The following NAV2 variants were observed in gnomAD, a reference collection of about 807,000 sequenced individuals.
The protein encoded by NAV2 is neuron navigator 2, also known as helicase, APC down-regulated 1.
Under a neutral mutation model 223.2 loss-of-function variants are expected in NAV2, and 54 were observed. That is an observed-to-expected ratio of 0.24 (90% CI 0.19 to 0.30). NAV2 has a LOEUF of 0.30. Among genes scored for constraint, NAV2 ranks in the 10% least tolerant of loss-of-function variants. The pLI, the probability that NAV2 is intolerant of heterozygous loss-of-function variation, is 1.00. For missense variants in NAV2, 2,806 were observed against 3,147.5 expected, an observed-to-expected ratio of 0.89 and a Z score of 2.60; for synonymous variants, 1,279 against 1,239.3, an observed-to-expected ratio of 1.03 and a Z score of -0.67.
At chr11:20,000,120 A>G (rs1031502192) in intron 11 of NAV2, among the ~76,000 whole-genome samples, 2 of 152,120 alleles carry the variant, frequency 1.3e-5, no homozygotes, top group Non-Finnish European at 2.9e-5. Flanking sequence ...AAGGCAGAAG[A>G]TATTTAAGGC....
intron 1 of NAV2, among the ~76,000 whole-genome samples, chr11:19,554,762 T>C: frequency 6.6e-6 from 1 of 151,910 alleles, no homozygotes; most frequent in Non-Finnish European, 1.5e-5. Flanking sequence ...AGGTCGGGAG[T>C]TCGAGACCAG....
intron 1 of NAV2, among the ~76,000 whole-genome samples, chr11:19,588,916 G>C (rs1370533587): frequency 2.0e-5 from 3 of 152,216 alleles, no homozygotes; most frequent in Admixed American, 2.0e-4. Flanking sequence ...TCATAAGGTA[G>C]TTTCATGAAC....
intron 1 of NAV2, among the ~76,000 whole-genome samples, chr11:19,431,490 C>T (rs1851035091): frequency 6.6e-6 from 1 of 152,162 alleles, no homozygotes; most frequent in South Asian, 2.1e-4. Context: ...ATTTCTGTTT[C>T]AGAAAATATT....
At chr11:19,395,797 C>G (rs1319760597) in intron 1 of NAV2, among the ~76,000 whole-genome samples, 1 of 152,192 alleles carries the variant, frequency 6.6e-6, no homozygotes, top group Non-Finnish European at 1.5e-5. Context: ...CTCCTCTGCC[C>G]CTTTACATGC....
intron 3 of NAV2, among the ~76,000 whole-genome samples, chr11:19,865,899 G>A (rs761088838): frequency 1.3e-5 from 2 of 152,212 alleles, no homozygotes; most frequent in Non-Finnish European, 2.9e-5. Flanking sequence ...ATCAAGGTGT[G>A]TGTTGAATCG....
intron 1 of NAV2, among the ~76,000 whole-genome samples, chr11:19,525,645 T>C (rs2043817251): frequency 6.6e-6 from 1 of 152,110 alleles, no homozygotes; most frequent in South Asian, 2.1e-4. Context: ...CTTCTCTCAG[T>C]GAGGGGGTTG....
At chr11:19,895,244 T>C (rs989337241) in intron 6 of NAV2, among the ~76,000 whole-genome samples, 1 of 151,480 alleles carries the variant, frequency 6.6e-6, no homozygotes, top group Non-Finnish European at 1.5e-5. Flanking sequence ...TATTTGTATT[T>C]TTAGTAGAGA....
intron 1 of NAV2, among the ~76,000 whole-genome samples, chr11:19,625,882 AT>A (rs955400958): frequency 9.3e-5 from 14 of 150,746 alleles, no homozygotes; most frequent in Non-Finnish European, 1.5e-4. Flanking sequence ...TCATTTGCCT[AT>A]TTTTTTTCCT....
chr11:20,013,985 C>T (rs1016764354), intron 11 of NAV2, among the ~76,000 whole-genome samples: 1 of 152,204 alleles, frequency 6.6e-6, no homozygotes, highest in Non-Finnish European at 1.5e-5. Flanking sequence ...CTGTTCTGTT[C>T]CGGTGTTCTC....
In NAV2 at chr11:19,697,127, A is replaced by C. The variant is rs571884969; in HGVS notation, c.76-135357A>C. On this transcript the variant is annotated intron_variant, in intron 1 of 37. Coordinates refer to the NAV2 transcript ENST00000360655. ...AAAAGAACAAAATCATGCCCTTTGC[A>C]GCAAATGGGTGGAGCTGGAGGTCAT... is the stretch of plus-strand genomic sequence containing the variant. 3.3e-5 allele frequency among the ~76,000 whole-genome samples: 5 copies of C among 152,382 alleles called. No homozygotes were observed. The South Asian group carries it at 1.0e-3, about 32-fold the overall frequency.
In NAV2 at chr11:20,092,732, C is replaced by A. The variant is rs117657115; in HGVS notation, c.5815+364C>A. 8.3e-4 allele frequency among the ~76,000 whole-genome samples: 126 copies of A among 152,266 alleles called. 1 individual carries two copies. In the East Asian group the frequency reaches 8.3e-3, roughly 10 times the overall value. On this transcript the variant is annotated intron_variant, in intron 28 of 37. Coordinates refer to ENST00000349880, the MANE Select transcript of NAV2 (RefSeq NM_145117.5). The stretch of plus-strand genomic sequence containing the variant: ...GTGGCTTGGTCTATGATCTTCCTGC[C>A]TTCAGGATGGATTCCAGGCTGGTGC...
At chr11:19,508,992 A>G (rs549091264) in intron 1 of NAV2, among the ~76,000 whole-genome samples, 2 of 152,382 alleles carry the variant, frequency 1.3e-5, no homozygotes, top group East Asian at 3.9e-4. Flanking sequence ...AAGGAAGAGC[A>G]GAAAGTAAAA....
intron 6 of NAV2, among the ~76,000 whole-genome samples, chr11:19,911,095 T>C (rs1211384262): frequency 7.1e-6 from 1 of 139,930 alleles, no homozygotes; most frequent in Non-Finnish European, 1.5e-5. Context: ...AGCAAATATT[T>C]GTGAGCTGGA....
intron 6 of NAV2, among the ~76,000 whole-genome samples, chr11:19,917,352 G>A (rs1177376485): frequency 6.6e-6 from 1 of 152,128 alleles, no homozygotes; most frequent in Non-Finnish European, 1.5e-5. Context: ...GTTGAGGGAG[G>A]GGGTGTCACA....
intron 1 of NAV2, among the ~76,000 whole-genome samples, chr11:19,421,548 TG>T (rs1169474304): frequency 2.6e-5 from 4 of 152,194 alleles, no homozygotes; most frequent in African/African-American, 9.7e-5. Context: ...TGTATATTAT[TG>T]CTTAGGAGGA....
chr11:19,360,626 T>C (rs1853881085), intron 1 of NAV2, among the ~76,000 whole-genome samples: 1 of 152,206 alleles, frequency 6.6e-6, no homozygotes, highest in South Asian at 2.1e-4. Context: ...CAGCGTCACA[T>C]GGTATAAAAC....
At chr11:19,885,980 A>G (rs1483583228) in intron 5 of NAV2, among the ~76,000 whole-genome samples, 3 of 151,998 alleles carry the variant, frequency 2.0e-5, no homozygotes, top group Non-Finnish European at 4.4e-5. Flanking sequence ...GAAAATGTTC[A>G]TCTCAGACTC....
chr11:20,112,477 G>A (rs928030529), intron 36 of NAV2, among the ~76,000 whole-genome samples: 1 of 152,204 alleles, frequency 6.6e-6, no homozygotes, highest in Non-Finnish European at 1.5e-5. Context: ...GAAGGGGCAG[G>A]GTGGGCAGCT....
At chr11:19,580,293 G>C (rs1354609787) in intron 1 of NAV2, among the ~76,000 whole-genome samples, 1 of 151,928 alleles carries the variant, frequency 6.6e-6, no homozygotes, top group Non-Finnish European at 1.5e-5. Context: ...AAAAGAACAT[G>C]GTGCTTGGGA....
Sources: allele counts gnomAD v4.1 joint callset (sites outside exome capture counted in the v4.1 genomes callset), GRCh38; gene constraint gnomAD v4.1.1; transcripts MANE v1.5; gene names NCBI Gene and HGNC (gene_info 2026-07-23, HGNC 2026-07-21).